The following TULP1 variants were observed in gnomAD, a reference collection of about 807,000 sequenced individuals.
TULP1 encodes tubby-related protein 1.
Under a neutral mutation model 67.1 loss-of-function variants are expected in TULP1, and 50 were observed. The ratio of observed to expected loss-of-function variants is 0.75; its 90% CI spans 0.59 to 0.94. The LOEUF is 0.94. TULP1 is among the 40% of genes least tolerant of loss of function. The pLI is 0.00. For synonymous variants in TULP1, 297 were observed against 294.0 expected (o/e 1.01, Z -0.11); for missense variants, 746 against 734.1 (o/e 1.02, Z -0.19).
At position 35,510,801 on chromosome 6, in the gene TULP1, C is replaced by A. The variant is rs371693384; in HGVS notation, c.499+60G>T. 12 of 1,609,836 alleles carry A rather than the reference C, an allele frequency of 7.5e-6. No homozygotes were observed. The African/African-American group carries it at 1.2e-4, about 16-fold the overall frequency. On this transcript the variant is annotated intron_variant, in intron 5 of 14. Transcript: ENST00000229771. Reference sequence around the variant, plus strand: ...GCTGTGTCTCAGTGAGACGCCAAGCCCTCCAAGGACAGGGCTGTTCTGCTT... The same window carrying A: ...GCTGTGTCTCAGTGAGACGCCAAGCACTCCAAGGACAGGGCTGTTCTGCTT...
chr6:35,498,294 A>G lies in TULP1; in HGVS notation c.*33T>C, dbSNP rs199634715. 2 of 1,609,688 alleles carry G rather than the reference A, an allele frequency of 1.2e-6. No homozygotes were observed. Among genetic ancestry groups the G allele is most frequent in the South Asian group, 2.2e-5 (2 of 90,600 alleles). On this transcript the variant is annotated 3_prime_UTR_variant, in exon 15 of 15. Transcript: ENST00000229771. The surrounding 1 kb of genome is among the most constrained non-coding windows in gnomAD (Gnocchi z 6.7). The stretch of plus-strand genomic sequence containing the variant: ...CCACTGAATCCTTTCCCCCACGCTG[A>G]CGGGCTCTGGGGGCGCTGAGGGGCT...
Position 35,503,787 on chromosome 6 carries a change from A to G in TULP1, c.1174T>C (p.Tyr392His). ...CGAAGGCTTGCCACATTAGTGCTGT[A>G]CCCACGCTGTGGGTTCTGCCCGTTG... is the stretch of plus-strand genomic sequence containing the variant. The part of the protein sequence containing the change: ...FDNGQNPQRG[Y>H]STNVASLRQE... Residue 392 changes from tyrosine (Y) to histidine (H), a missense_variant, in exon 12 of 15, where the codon TAC becomes CAC. Coordinates refer to ENST00000229771, the MANE Select transcript of TULP1 (RefSeq NM_003322.6). This position sits in a 1 kb window ranked among gnomAD's most constrained non-coding sequence, Gnocchi z 4.0. 6.2e-7 allele frequency: 1 copy of G among 1,613,580 alleles called. No homozygotes were observed. The highest frequency in any genetic ancestry group is 8.5e-7 in the Non-Finnish European group (1 of 1,179,884).
At chr6:35,502,765 C>T (rs1399999877) in intron 13 of TULP1, among the ~76,000 whole-genome samples, 1 of 152,002 alleles carries the variant, frequency 6.6e-6, no homozygotes, top group African/African-American at 2.4e-5. Context: ...TCCCAAAGTG[C>T]TGGGGATACA....
At chr6:35,506,386 A>G in intron 8 of TULP1, 107 bp from the exon 9 acceptor site, 1 of 1,410,186 alleles carries the variant, frequency 7.1e-7, no homozygotes, top group African/African-American at 1.4e-5. Context: ...CGGCCAAGTT[A>G]GGAGGCTCTG....
intron 13 of TULP1, among the ~76,000 whole-genome samples, chr6:35,500,492 C>A (rs965386355): frequency 6.6e-6 from 1 of 152,094 alleles, no homozygotes; most frequent in Non-Finnish European, 1.5e-5. Context: ...CAATCTTGGA[C>A]CTGCAAAGGG....
At chr6:35,506,937 C>T (rs928885520) in intron 8 of TULP1, among the ~76,000 whole-genome samples, 10 of 151,988 alleles carry the variant, frequency 6.6e-5, no homozygotes, top group East Asian at 1.9e-4. Context: ...TTATTGTTAG[C>T]GTATAGTAAA....
In TULP1 at chr6:35,506,148, G is replaced by T; in HGVS notation, c.854C>A (p.Pro285His). 2 of 1,613,560 alleles carry T rather than the reference G, an allele frequency of 1.2e-6. No homozygotes were observed. Among genetic ancestry groups the T allele is most frequent in the Non-Finnish European group, 1.7e-6 (2 of 1,179,892 alleles). Residue 285 changes from proline to histidine, a missense_variant, in exon 10 of 15, where the codon CCC becomes CAC. By Grantham distance (77) the Pro-to-His change is moderately conservative. Around this residue, in one of 3 missense-constraint regions of TULP1, gnomAD observed 383 missense variants for 374.1 expected, o/e 1.02. Coordinates refer to ENST00000229771, the MANE Select transcript of TULP1 (RefSeq NM_003322.6). ...CTCCCGGGGTTCGTCCACCTCCACG[G>T]GGGGAGACGGGGCCCTCTCCTCCTT... is the stretch of plus-strand genomic sequence containing the variant. ...KAKEERAPSPPVEVDEPREFV... is the reference protein window; with the variant it reads ...KAKEERAPSPHVEVDEPREFV...
chr6:35,511,746 GGC>G lies in TULP1; in HGVS notation c.249_250del (p.Pro84AlafsTer89). 6.3e-7 allele frequency: 1 copy of G among 1,585,348 alleles called. No individual in the cohort carries two copies. The highest frequency in any genetic ancestry group is 8.6e-7 in the Non-Finnish European group (1 of 1,166,326). On this transcript the variant is annotated frameshift_variant, in exon 4 of 15. Coordinates refer to ENST00000229771, the MANE Select transcript of TULP1 (RefSeq NM_003322.6). LOFTEE classifies it high-confidence loss of function. ...GAGGAACCTGGCGTAGACCGTCTGC[GGC>G]GCCCGGGCCTGGGCTGGGTCTGGGG...
chr6:35,506,307 G>A (rs1412733813), intron 8 of TULP1, 28 bp from the exon 9 acceptor site: 1 of 1,555,666 alleles, frequency 6.4e-7, no homozygotes, highest in Non-Finnish European at 8.7e-7. Flanking sequence ...AGAGAGGCTG[G>A]CTAGAGCAGG....
rs12665445 is a variant in TULP1 at position 35,500,262 on chromosome 6, G to C, written c.1324-110C>G. The C allele has an allele frequency of 0.078, 92,601 of 1,188,988 alleles. 4,193 individuals are homozygous for C. The highest frequency in any genetic ancestry group is 0.15 in the Admixed American group (9,074 of 58,836). The allele number at this position is 1,188,988 out of a possible 1,614,324, so 73.7% of individuals were successfully genotyped here. ...GCATGTGTGCACAGGGGTGTGGCCTGGACATCTTCATCCATTAGGGTATCT... is the reference window on the plus strand; with the variant it reads ...GCATGTGTGCACAGGGGTGTGGCCTCGACATCTTCATCCATTAGGGTATCT... On this transcript the variant is annotated intron_variant, in intron 13 of 14. Transcript: ENST00000229771.
intron 13 of TULP1, among the ~76,000 whole-genome samples, chr6:35,500,702 C>T (rs1167071124): frequency 6.6e-6 from 1 of 152,152 alleles, no homozygotes; most frequent in South Asian, 2.1e-4. Context: ...CCTTCCTGAC[C>T]CCCCATCTGA....
intron 8 of TULP1, 21 bp downstream of exon 8, chr6:35,509,188 C>A (rs775281169): frequency 6.2e-7 from 1 of 1,609,174 alleles, no homozygotes; most frequent in African/African-American, 1.3e-5. Flanking sequence ...ACCTCAGCCC[C>A]CTGCCCCTCT....
At chr6:35,501,134 G>A (rs1005488067) in intron 13 of TULP1, among the ~76,000 whole-genome samples, 1 of 152,140 alleles carries the variant, frequency 6.6e-6, no homozygotes, top group Non-Finnish European at 1.5e-5. Context: ...AGCAGAGCAC[G>A]GGACTGACAC....
At chr6:35,499,067 ACATCC>A (rs1768773945) in intron 14 of TULP1, among the ~76,000 whole-genome samples, 1 of 152,212 alleles carries the variant, frequency 6.6e-6, no homozygotes, top group African/African-American at 2.4e-5. Context: ...CACTGGGGGC[ACATCC>A]CTAGGATGCA....
intron 5 of TULP1, 149 bp from the exon 6 acceptor site, chr6:35,510,077 A>G: frequency 1.5e-6 from 1 of 688,552 alleles, no homozygotes; most frequent in East Asian, 2.7e-5. Flanking sequence ...TTTTTTTTTG[A>G]GACAGTCTCA....
Position 35,503,962 on chromosome 6 carries a change from T to C in TULP1, c.1113-114A>G, listed in dbSNP as rs1761028009. On this transcript the variant is annotated intron_variant, in intron 11 of 14. Transcript: ENST00000229771. This position sits in a 1 kb window ranked among gnomAD's most constrained non-coding sequence, Gnocchi z 4.0. ...GCTTCCTACAAGGGTGGGGGTGAGTTAGGACTGAGCAATTCATGTCCCCTG... is the reference window on the plus strand; with the variant it reads ...GCTTCCTACAAGGGTGGGGGTGAGTCAGGACTGAGCAATTCATGTCCCCTG... 2 of 771,216 alleles carry C rather than the reference T, an allele frequency of 2.6e-6. No homozygotes were observed. Among genetic ancestry groups the C allele is most frequent in the African/African-American group, 1.7e-5 (1 of 58,304 alleles). 47.8% of individuals were successfully genotyped at this position (771,216 alleles called of 1,614,324 possible).
At chr6:35,511,403 A>G (rs1339083085) in intron 4 of TULP1, among the ~76,000 whole-genome samples, 1 of 152,112 alleles carries the variant, frequency 6.6e-6, no homozygotes, top group Non-Finnish European at 1.5e-5. Flanking sequence ...ACTGCTGGTT[A>G]AGGCAAAAAC....
intron 5 of TULP1, 122 bp downstream of exon 5, chr6:35,510,739 C>T: frequency 6.3e-7 from 1 of 1,595,800 alleles, no homozygotes; most frequent in Admixed American, 1.7e-5. Context: ...GAAAAACCCT[C>T]CGGTCACAGC....
In TULP1 at chr6:35,503,861, T is replaced by C. The variant is rs1204266654; in HGVS notation, c.1113-13A>G. ...CAGGAGGTTGGACCTGCAAGCAGGG[T>C]AGAGCTTGGGGTGGGGCTGAGGGGA... On this transcript the variant is annotated splice_polypyrimidine_tract_variant and intron_variant, in intron 11 of 14. Transcript: ENST00000229771. The surrounding 1 kb of genome is among the most constrained non-coding windows in gnomAD (Gnocchi z 4.0). The C allele has an allele frequency of 9.4e-6, 15 of 1,597,324 alleles. No homozygotes were observed. The highest frequency in any genetic ancestry group is 1.3e-5 in the Non-Finnish European group (15 of 1,174,998).
Sources: gnomAD v4.1 joint callset for allele counts (sites outside exome capture counted in the v4.1 genomes callset) on GRCh38, gnomAD v4.1.1 for gene constraint, gnomAD v4.1.1 regional missense constraint, Gnocchi (gnomAD v3.1) non-coding constraint, MANE v1.5 for transcripts, NCBI Gene and HGNC (gene_info 2026-07-23, HGNC 2026-07-21) for gene names.